The following PUDP variants were observed in gnomAD, a reference collection of about 807,000 sequenced individuals.
PUDP encodes pseudouridine 5'-phosphatase, also known as pseudouridine-5'-phosphatase.
Under a neutral mutation model 9.4 loss-of-function variants are expected in PUDP, and 8 were observed. That is an observed-to-expected ratio of 0.85 (90% CI 0.50 to 1.53). PUDP has a LOEUF of 1.53. Among genes scored for constraint, PUDP ranks in the 40% most tolerant of loss-of-function variants. The pLI is 0.00. For missense variants in PUDP, 188 were observed against 189.7 expected (o/e 0.99, Z 0.05); for synonymous variants, 99 against 80.7 (o/e 1.23, Z -1.22).
At chrX:6,796,176 T>A (rs1330987803) in intron 3 of PUDP, among the ~76,000 whole-genome samples, 1 of 112,105 alleles carries the variant, frequency 8.9e-6, no homozygotes, top group African/African-American at 3.2e-5. Context: ...TGCACTAGTG[T>A]CTGTTTTCTG....
At chrX:6,861,641 T>C (rs185040129) in intron 3 of PUDP, among the ~76,000 whole-genome samples, 3 of 111,598 alleles carry the variant, frequency 2.7e-5, no homozygotes, top group Non-Finnish European at 5.7e-5. Flanking sequence ...TAGTCTGAAT[T>C]CTCCCACGAG....
intron 1 of PUDP, among the ~76,000 whole-genome samples, chrX:6,982,048 A>G (rs1602700823): frequency 9.4e-6 from 1 of 106,495 alleles, no homozygotes; most frequent in African/African-American, 3.5e-5. Context: ...ACACACACAC[A>G]CACATACACA....
Position 7,077,291 on chromosome X carries a change from G to T in PUDP, c.439C>A (p.His147Asn). 1 of 1,208,729 alleles carries T rather than the reference G, an allele frequency of 8.3e-7. No individual in the cohort carries two copies. The highest frequency in any genetic ancestry group is 1.8e-5 in the South Asian group (1 of 56,256). ...AAGATGTCCGGGTCTGGCTTGCCAT[G>T]CTGCACTTCGGGGTCATCTCCCAGC... ...IVLGDDPEVQ[H>N]GKPDPDIFLA... is the part of the protein sequence containing the mutation. Residue 147 changes from histidine (H) to asparagine (N), a missense_variant, in exon 3 of 4, where the codon CAT becomes AAT. Transcript: ENST00000381077.
intron 3 of PUDP, among the ~76,000 whole-genome samples, chrX:6,900,290 A>T (rs1244670996): frequency 2.0e-5 from 2 of 98,596 alleles, no homozygotes; most frequent in Non-Finnish European, 4.1e-5. Flanking sequence ...AAAAAACTGG[A>T]GGAAATGACT....
chrX:6,709,900 A>G lies in PUDP; in HGVS notation n.129-3434T>C, dbSNP rs186442114. Among the ~76,000 whole-genome samples the G allele has an allele frequency of 2.7e-5, 3 of 112,013 alleles. No homozygotes were observed. The East Asian group carries it at 8.4e-4, about 31-fold the overall frequency. The stretch of plus-strand genomic sequence containing the variant: ...CACTTTGGGAGGCCAAGGCAAGTGG[A>G]TCACTTGAAGTCAGGAGTTCGAGAC... On this transcript the variant is annotated intron_variant and non_coding_transcript_variant, in intron 1 of 2. Transcript: ENST00000438499.
At chrX:6,810,936 A>T (rs753412133) in intron 3 of PUDP, among the ~76,000 whole-genome samples, 3 of 111,383 alleles carry the variant, frequency 2.7e-5, no homozygotes, top group Admixed American at 1.9e-4. Flanking sequence ...CTCACTCATC[A>T]CATGATTGCT....
At chrX:7,007,548 A>G (rs1424575642) in intron 1 of PUDP, among the ~76,000 whole-genome samples, 1 of 112,136 alleles carries the variant, frequency 8.9e-6, no homozygotes, top group Admixed American at 9.4e-5. Context: ...AGCTCAGTGA[A>G]CTCCCTTTGT....
At chrX:6,802,421 T>A (rs1925948658) in intron 3 of PUDP, among the ~76,000 whole-genome samples, 1 of 111,853 alleles carries the variant, frequency 8.9e-6, no homozygotes, top group Non-Finnish European at 1.9e-5. Flanking sequence ...ATAGGAAAAC[T>A]GAGCTATGGA....
chrX:6,989,662 G>C (rs1929150155), intron 1 of PUDP: 2 of 113,173 alleles, frequency 1.8e-5, no homozygotes, highest in Non-Finnish European at 3.7e-5. Context: ...TGGCAAAATT[G>C]GTTGCCTTCA....
chrX:6,919,858 C>CAAAAAAAAAAAAAAAAAAAAA (rs58441346), intron 3 of PUDP, among the ~76,000 whole-genome samples: 4 of 26,489 alleles, frequency 1.5e-4, no homozygotes, highest in Admixed American at 4.3e-4. Context: ...GACTCCATCT[C>CAAAAAAAAAAAAAAAAAAAAA]AAAAAAAAAA....
intron 3 of PUDP, among the ~76,000 whole-genome samples, chrX:6,967,628 A>G (rs1234051883): frequency 2.7e-5 from 3 of 111,333 alleles, no homozygotes; most frequent in African/African-American, 6.5e-5. Context: ...TGCAGGTCTC[A>G]GCAGTGGCCT....
chrX:6,890,165 G>A (rs1472004623), intron 3 of PUDP, among the ~76,000 whole-genome samples: 1 of 111,812 alleles, frequency 8.9e-6, no homozygotes, highest in Non-Finnish European at 1.9e-5. Flanking sequence ...ATTGACCAAG[G>A]ACCCCACTGT....
chrX:7,108,147 T>G (rs180903985), intron 1 of PUDP, among the ~76,000 whole-genome samples: 1 of 112,834 alleles, frequency 8.9e-6, no homozygotes, highest in African/African-American at 3.2e-5. Flanking sequence ...CGTGTGGCCC[T>G]GTATCATGTT....
upstream of PUDP, among the ~76,000 whole-genome samples, chrX:6,722,822 T>G (rs930614374): frequency 1.8e-5 from 2 of 111,933 alleles, no homozygotes; most frequent in African/African-American, 3.2e-5. Context: ...ATATGAAAAT[T>G]TGTTCAAACC....
At chrX:6,983,639 A>G (rs1278832934) in intron 1 of PUDP, among the ~76,000 whole-genome samples, 1 of 111,694 alleles carries the variant, frequency 9.0e-6, no homozygotes, top group Non-Finnish European at 1.9e-5. Context: ...AAGGGCTATT[A>G]TTTAAACTAT....
intron 1 of PUDP, among the ~76,000 whole-genome samples, chrX:6,709,911 T>A (rs1036786693): frequency 4.5e-5 from 5 of 111,640 alleles, no homozygotes; most frequent in Non-Finnish European, 9.4e-5. Flanking sequence ...TCACTTGAAG[T>A]CAGGAGTTCG....
chrX:6,944,784 G>A (rs1489481731), intron 3 of PUDP, among the ~76,000 whole-genome samples: 1 of 111,405 alleles, frequency 9.0e-6, no homozygotes, highest in Non-Finnish European at 1.9e-5. Context: ...ACTGAGGACT[G>A]AGCTCCGACT....
intron 3 of PUDP, among the ~76,000 whole-genome samples, chrX:6,958,616 C>G (rs1379165381): frequency 9.1e-6 from 1 of 110,373 alleles, no homozygotes; most frequent in Non-Finnish European, 1.9e-5. Context: ...CCTGTAATCA[C>G]AGCTACTCTG....
intron 2 of PUDP, among the ~76,000 whole-genome samples, chrX:7,087,181 G>A (rs1238482931): frequency 1.8e-5 from 2 of 111,835 alleles, no homozygotes; most frequent in Non-Finnish European, 3.8e-5. Context: ...TTATTATGAG[G>A]CCATACTAAA....
Sources: gnomAD v4.1 joint callset for allele counts (sites outside exome capture counted in the v4.1 genomes callset) on GRCh38, gnomAD v4.1.1 for gene constraint, MANE v1.5 for transcripts, NCBI Gene and HGNC (gene_info 2026-07-23, HGNC 2026-07-21) for gene names.